The following SIPA1L3 variants were observed in gnomAD, a reference collection of about 807,000 sequenced individuals.
SIPA1L3 encodes the protein signal induced proliferation associated 1 like 3.
A neutral mutation model predicts 150.1 loss-of-function variants in SIPA1L3; 59 were observed. The observed-to-expected ratio is 0.39, with a 90% CI of 0.32 to 0.49. The LOEUF (loss-of-function observed/expected upper bound fraction) is 0.49. Among genes scored for constraint, SIPA1L3 ranks in the 20% least tolerant of loss-of-function variants. SIPA1L3 has a pLI of 0.86. For synonymous variants in SIPA1L3, 1,070 were observed against 1,077.6 expected (o/e 0.99, Z 0.14); for missense variants, 2,211 against 2,489.5 (o/e 0.89, Z 2.38).
chr19:37,934,283 A>G (rs149773890), intron 1 of SIPA1L3, among the ~76,000 whole-genome samples: 22 of 152,318 alleles, frequency 1.4e-4, no homozygotes, highest in African/African-American at 5.3e-4. Flanking sequence ...TGTAGCATAC[A>G]TCATCGCATG....
At position 38,106,603 on chromosome 19, in the gene SIPA1L3, C is replaced by A; in HGVS notation, c.2096C>A (p.Ser699Tyr). The A allele has an allele frequency of 6.2e-7, 1 of 1,613,996 alleles. No homozygotes were observed. The highest frequency in any genetic ancestry group is 8.5e-7 in the Non-Finnish European group (1 of 1,179,844). The part of the protein sequence containing the change: ...YQDYEIMFHV[S>Y]TLLPYTPNNR... ...GACTACGAGATCATGTTCCATGTCT[C>A]CACCCTGCTCCCTTACACCCCCAAC... Residue 699 changes from serine to tyrosine, a missense_variant, in exon 7 of 22, where the codon TCC becomes TAC. By Grantham distance (144) the Ser-to-Tyr change is moderately radical. This residue lies in a region of SIPA1L3 where 625 missense variants were observed against 804.2 expected (regional missense o/e 0.78). Coordinates refer to ENST00000222345, the MANE Select transcript of SIPA1L3 (RefSeq NM_015073.3).
intron 1 of SIPA1L3, among the ~76,000 whole-genome samples, chr19:37,956,927 T>C (rs1436021499): frequency 6.6e-6 from 1 of 152,228 alleles, no homozygotes; most frequent in African/African-American, 2.4e-5. Flanking sequence ...TGCATACTTT[T>C]AACTCTTGCC....
At chr19:38,040,407 A>G (rs1199926658) in intron 2 of SIPA1L3, among the ~76,000 whole-genome samples, 1 of 151,862 alleles carries the variant, frequency 6.6e-6, no homozygotes, top group East Asian at 1.9e-4. Context: ...GGTGATCTCT[A>G]CAGCCACTCA....
At chr19:38,004,859 T>G (rs1183159929) in intron 1 of SIPA1L3, among the ~76,000 whole-genome samples, 1 of 134,698 alleles carries the variant, frequency 7.4e-6, no homozygotes, top group Non-Finnish European at 1.6e-5. Context: ...ATCTGCGTTA[T>G]TCATTCTCTT....
At chr19:37,968,487 T>C (rs1047884095) in intron 1 of SIPA1L3, among the ~76,000 whole-genome samples, 1 of 152,208 alleles carries the variant, frequency 6.6e-6, no homozygotes, top group Non-Finnish European at 1.5e-5. Context: ...TCATGTGATA[T>C]ACCCCATGTA....
At chr19:37,914,492 C>T (rs973926088) in intron 1 of SIPA1L3, among the ~76,000 whole-genome samples, 2 of 151,852 alleles carry the variant, frequency 1.3e-5, no homozygotes, top group Non-Finnish European at 2.9e-5. Context: ...GCCTCAGCCT[C>T]CCAAGGAGCT....
At chr19:37,989,348 T>TC (rs1967441051) in intron 1 of SIPA1L3, among the ~76,000 whole-genome samples, 1 of 152,120 alleles carries the variant, frequency 6.6e-6, no homozygotes, top group Non-Finnish European at 1.5e-5. Context: ...GCCTCCTGAG[T>TC]AGCTGAGACT....
chr19:38,098,650 C>A (rs1231275058), intron 4 of SIPA1L3, among the ~76,000 whole-genome samples: 1 of 152,140 alleles, frequency 6.6e-6, no homozygotes, highest in African/African-American at 2.4e-5. Context: ...CCGCCTCGGC[C>A]TCCCAAAGGG....
rs528604217 is a variant in SIPA1L3, at chr19:37,968,198, G to A, written c.-379+60840G>A. Among the ~76,000 whole-genome samples, 7 of 152,074 alleles carry A rather than the reference G, an allele frequency of 4.6e-5. No individual in the cohort carries two copies. In the South Asian group the frequency reaches 1.0e-3, roughly 23 times the overall value. On this transcript the variant is annotated intron_variant, in intron 1 of 21. Transcript: ENST00000222345. ...AGCGATTCTCCTGCCTCAGCCTCCC[G>A]AGTAGCGGGGATTACAGGCACGCGC...
rs5827997 is a variant in SIPA1L3, at chr19:38,027,686, C to CT, written c.-378-1388dup. On this transcript the variant is annotated intron_variant, in intron 1 of 21. Coordinates refer to ENST00000222345, the MANE Select transcript of SIPA1L3 (RefSeq NM_015073.3). Reference sequence around the variant, plus strand: ...TCACATCCTGGCTGTATATAGTACACTTTTTTTTTTTTTTTAAACAGGGTC... The same window carrying CT: ...TCACATCCTGGCTGTATATAGTACACTTTTTTTTTTTTTTTTAAACAGGGTC... Among the ~76,000 whole-genome samples, 920 of 143,804 alleles carry CT rather than the reference C, an allele frequency of 6.4e-3. 5 individuals are homozygous for CT. The highest frequency in any genetic ancestry group is 0.016 in the African/African-American group (636 of 39,204). The allele number at this position is 143,804 out of a possible 152,430, so 94.3% of individuals were successfully genotyped here.
chr19:38,007,324 G>A (rs945700812), intron 1 of SIPA1L3, among the ~76,000 whole-genome samples: 24 of 151,830 alleles, frequency 1.6e-4, no homozygotes, highest in African/African-American at 2.2e-4. Flanking sequence ...GTGATGGCAC[G>A]CACCTGTAAT....
intron 9 of SIPA1L3, among the ~76,000 whole-genome samples, chr19:38,123,292 A>T (rs1414975780): frequency 1.4e-5 from 2 of 144,010 alleles, no homozygotes; most frequent in Non-Finnish European, 1.5e-5. Flanking sequence ...TTAATTGATC[A>T]TTCTTGGGTG....
intron 6 of SIPA1L3, among the ~76,000 whole-genome samples, chr19:38,101,693 G>A (rs550949650): frequency 6.6e-6 from 1 of 152,300 alleles, no homozygotes; most frequent in South Asian, 2.1e-4. Context: ...TTACAGGCAT[G>A]AGCCACCACG....
intron 12 of SIPA1L3, among the ~76,000 whole-genome samples, chr19:38,148,651 C>T (rs1971751896): frequency 6.6e-6 from 1 of 152,140 alleles, no homozygotes; most frequent in African/African-American, 2.4e-5. Flanking sequence ...GAGCTCTCTG[C>T]CCGGCGAGGC....
chr19:38,059,311 A>ATTTTTTTTTTT (rs35717284), intron 2 of SIPA1L3, among the ~76,000 whole-genome samples: 50 of 113,930 alleles, frequency 4.4e-4, no homozygotes, highest in African/African-American at 1.7e-3. Context: ...AACAGCTGAG[A>ATTTTTTTTTTT]TTTTTTTTTT....
At position 38,100,032 on chromosome 19, in the gene SIPA1L3, G is replaced by A. The variant is rs1436289173; in HGVS notation, c.1736G>A (p.Gly579Asp). ...GCCACCAAGCATGGGACCGGGCGGGGCCTGCCCTTGAAGGATGCCCTGGAG... is the reference window on the plus strand; with the variant it reads ...GCCACCAAGCATGGGACCGGGCGGGACCTGCCCTTGAAGGATGCCCTGGAG... ...PTATKHGTGRGLPLKDALEYV... is the reference protein window; with the variant it reads ...PTATKHGTGRDLPLKDALEYV... The change falls in exon 5 of 22, where the codon GGC (glycine) becomes GAC (aspartate). Residue 579 changes from glycine (G) to aspartate (D), a missense_variant. By Grantham distance (94) the Gly-to-Asp change is moderately conservative. This residue lies in a region of SIPA1L3 where 625 missense variants were observed against 804.2 expected (regional missense o/e 0.78). Coordinates refer to ENST00000222345, the MANE Select transcript of SIPA1L3 (RefSeq NM_015073.3). 2 of 1,612,298 alleles carry A rather than the reference G, an allele frequency of 1.2e-6. No homozygotes were observed. The highest frequency in any genetic ancestry group is 1.7e-6 in the Non-Finnish European group (2 of 1,179,332).
intron 14 of SIPA1L3, among the ~76,000 whole-genome samples, chr19:38,163,895 G>T (rs1972147311): frequency 6.6e-6 from 1 of 152,166 alleles, no homozygotes; most frequent in Non-Finnish European, 1.5e-5. Flanking sequence ...CCTTCTGCTG[G>T]CTGCGTGTGG....
intron 6 of SIPA1L3, among the ~76,000 whole-genome samples, chr19:38,102,781 A>G (rs1025368799): frequency 4.6e-5 from 7 of 150,744 alleles, no homozygotes; most frequent in African/African-American, 1.5e-4. Flanking sequence ...GCAGTGAGCT[A>G]TGATCATGCC....
intron 4 of SIPA1L3, among the ~76,000 whole-genome samples, chr19:38,098,684 A>G (rs1970434510): frequency 6.6e-6 from 1 of 152,036 alleles, no homozygotes; most frequent in South Asian, 2.1e-4. Flanking sequence ...TTAGAGGGAA[A>G]TCTGCCCCAG....
Sources: allele counts gnomAD v4.1 joint callset (sites outside exome capture counted in the v4.1 genomes callset), GRCh38; gene constraint gnomAD v4.1.1; regional missense constraint gnomAD v4.1.1; transcripts MANE v1.5; gene names NCBI Gene and HGNC (gene_info 2026-07-23, HGNC 2026-07-21).